DNAH10: variants seen among roughly 807,000 people sequenced by gnomAD.
The protein encoded by DNAH10 is dynein axonemal heavy chain 10, also known as axonemal beta dynein heavy chain 10.
A neutral mutation model predicts 506.6 loss-of-function variants in DNAH10; 348 were observed. The ratio of observed to expected loss-of-function variants is 0.69; its 90% CI spans 0.63 to 0.75. DNAH10 has a LOEUF of 0.75. Ranked by LOEUF, DNAH10 falls within the 30% of genes least tolerant of loss-of-function variation. The pLI, the probability that DNAH10 is intolerant of heterozygous loss-of-function variation, is 0.00. For missense variants in DNAH10, 5,179 were observed against 5,787.1 expected, an observed-to-expected ratio of 0.89 and a Z score of 3.41; for synonymous variants, 2,059 against 2,198.6, an observed-to-expected ratio of 0.94 and a Z score of 1.78.
intron 77 of DNAH10, chr12:123,934,387 A>G (rs1955376831): frequency 1.5e-6 from 1 of 662,042 alleles, no homozygotes. Context: ...ACCGCCCCAC[A>G]CCCATTTCTC....
intron 47 of DNAH10, 99 bp downstream of exon 47, chr12:123,875,590 G>A: frequency 1.4e-6 from 2 of 1,441,124 alleles, no homozygotes; most frequent in Non-Finnish European, 1.9e-6. Context: ...CAGGGTTAGG[G>A]CCCTCAATAC....
intron 13 of DNAH10, among the ~76,000 whole-genome samples, chr12:123,798,431 G>C (rs970984620): frequency 5.3e-5 from 8 of 152,164 alleles, no homozygotes; most frequent in Non-Finnish European, 7.3e-5. Context: ...TTTCACTTGA[G>C]CAGATCTCCC....
At chr12:123,870,546 G>A in intron 44 of DNAH10, 61 bp downstream of exon 44, 1 of 1,565,104 alleles carries the variant, frequency 6.4e-7, no homozygotes, top group Non-Finnish European at 8.6e-7. Context: ...GCTCTAGGAG[G>A]AGGCAAAGAA....
intron 40 of DNAH10, 71 bp downstream of exon 40, chr12:123,864,801 G>A (rs1951741334): frequency 2.6e-6 from 4 of 1,509,650 alleles, no homozygotes; most frequent in African/African-American, 1.4e-5. Context: ...GTTTGTTAAA[G>A]TAGTAGTAAA....
At chr12:123,893,551 T>C (rs1953083921) in intron 53 of DNAH10, 115 bp downstream of exon 53, 1 of 1,187,042 alleles carries the variant, frequency 8.4e-7, no homozygotes, top group Non-Finnish European at 1.2e-6. Context: ...ACACGGCCAT[T>C]AGGTGGAAAT....
chr12:123,888,472 T>G (rs1952835997), intron 52 of DNAH10, among the ~76,000 whole-genome samples: 1 of 152,162 alleles, frequency 6.6e-6, no homozygotes. Context: ...ACAGCTGTCC[T>G]TATAAGAGAA....
chr12:123,923,944 C>A, intron 66 of DNAH10, 77 bp downstream of exon 66: 1 of 1,092,806 alleles, frequency 9.2e-7, no homozygotes, highest in Non-Finnish European at 1.3e-6. Context: ...TCTGTTGAAA[C>A]AAACAATAAC....
rs760548849 is a variant in DNAH10 at position 123,819,133 on chromosome 12, C to A, written c.3898-15C>A. ...ACGTATTTGGGCTAAATTAATGTAACCTCGTTTTTCTCAGCTTACTCGAGG... is the reference window on the plus strand; with the variant it reads ...ACGTATTTGGGCTAAATTAATGTAAACTCGTTTTTCTCAGCTTACTCGAGG... On this transcript the variant is annotated splice_polypyrimidine_tract_variant and intron_variant, in intron 22 of 78. Transcript: ENST00000673944. The A allele has an allele frequency of 3.1e-6, 5 of 1,610,516 alleles. No homozygotes were observed. Among genetic ancestry groups the A allele is most frequent in the South Asian group, 2.2e-5 (2 of 90,316 alleles).
intron 11 of DNAH10, among the ~76,000 whole-genome samples, chr12:123,790,928 C>G (rs538698046): frequency 1.3e-5 from 2 of 152,188 alleles, no homozygotes; most frequent in African/African-American, 4.8e-5. Context: ...AGTTTGAGAC[C>G]AGCCTGGGCA....
At chr12:123,779,601 G>C (rs1957567144) in intron 5 of DNAH10, among the ~76,000 whole-genome samples, 1 of 75,706 alleles carries the variant, frequency 1.3e-5, no homozygotes, top group Non-Finnish European at 2.4e-5. Flanking sequence ...ACCTGGGGGT[G>C]GGGGAGAGAG....
chr12:123,850,358 T>A lies in DNAH10; in HGVS notation c.6103-530T>A, dbSNP rs116587583. Among the ~76,000 whole-genome samples the A allele has an allele frequency of 5.1e-3, 771 of 151,756 alleles. 8 individuals are homozygous for A. Among genetic ancestry groups the A allele is most frequent in the African/African-American group, 0.018 (737 of 41,348 alleles). The stretch of plus-strand genomic sequence containing the variant: ...GAATGAAGACTGGTTTCTTGAGGGG[T>A]TTGAGGTGGGATTCTTTAGGCAGGA... On this transcript the variant is annotated intron_variant, in intron 34 of 78. Coordinates refer to ENST00000673944, the MANE Select transcript of DNAH10 (RefSeq NM_001372106.1). This position sits in a 1 kb window ranked among gnomAD's most constrained non-coding sequence, Gnocchi z 5.5.
chr12:123,900,079 C>G lies in DNAH10; in HGVS notation c.9640+1265C>G, dbSNP rs201677652. Among the ~76,000 whole-genome samples, 19 of 152,294 alleles carry G rather than the reference C, an allele frequency of 1.2e-4. No homozygotes were observed. The East Asian group carries it at 3.5e-3, about 28-fold the overall frequency. ...TCACTTCTTCATGCCTGTGTGAGTC[C>G]TGCAGTAACTTGCTCTTTCTCTCCC... On this transcript the variant is annotated intron_variant, in intron 56 of 78. Transcript: ENST00000673944.
intron 53 of DNAH10, among the ~76,000 whole-genome samples, chr12:123,893,773 C>T (rs1022138137): frequency 6.7e-6 from 1 of 148,762 alleles, no homozygotes; most frequent in African/African-American, 2.4e-5. Flanking sequence ...GGGGCAGGGG[C>T]GGGGGAGGTT....
chr12:123,806,519 C>CTGCAGTTAAA (rs1958679242), intron 18 of DNAH10, among the ~76,000 whole-genome samples: 1 of 152,196 alleles, frequency 6.6e-6, no homozygotes, highest in Non-Finnish European at 1.5e-5. Flanking sequence ...GGATCTCTTA[C>CTGCAGTTAAA]TGCAGTTAAA....
intron 28 of DNAH10, among the ~76,000 whole-genome samples, chr12:123,837,923 T>A (rs1474066509): frequency 6.6e-6 from 1 of 152,160 alleles, no homozygotes; most frequent in African/African-American, 2.4e-5. Flanking sequence ...CACTGGCTAT[T>A]TTTATTGAAC....
Position 123,931,750 on chromosome 12 carries a change from C to A in DNAH10, c.13031C>A (p.Thr4344Lys). The A allele has an allele frequency of 6.2e-7, 1 of 1,614,042 alleles. No homozygotes were observed. Among genetic ancestry groups the A allele is most frequent in the Non-Finnish European group, 8.5e-7 (1 of 1,179,898 alleles). Residue 4344 changes from threonine to lysine, a missense_variant, in exon 75 of 79, where the codon ACA (threonine) becomes AAA (lysine). By Grantham distance (78) the Thr-to-Lys change is moderately conservative. This residue lies in a region of DNAH10 where 4,844 missense variants were observed against 5,430.5 expected (regional missense o/e 0.89). Coordinates refer to ENST00000673944, the MANE Select transcript of DNAH10 (RefSeq NM_001372106.1). ...GACCAGGTGAGGAAGCGCCTCGGAACAGGACTCTCCCCCACTTCGGTGGTG... is the reference window on the plus strand; with the variant it reads ...GACCAGGTGAGGAAGCGCCTCGGAAAAGGACTCTCCCCCACTTCGGTGGTG... The part of the protein sequence containing the change: ...DLDQVRKRLG[T>K]GLSPTSVVLL...
At chr12:123,816,241 C>G (rs1423765554) in intron 21 of DNAH10, among the ~76,000 whole-genome samples, 1 of 152,118 alleles carries the variant, frequency 6.6e-6, no homozygotes, top group Non-Finnish European at 1.5e-5. Context: ...GGCTGGGAGC[C>G]CTAGGCAGCT....
Position 123,774,259 on chromosome 12 carries a change from T to C in DNAH10, c.616T>C (p.Cys206Arg). ...NVLHFLKNII[C>R]QVFLPALSFN... is the part of the protein sequence containing the mutation. The stretch of plus-strand genomic sequence containing the variant: ...GCTCCATTTTCTGAAGAATATTATA[T>C]GTCAGGTAAACATGGAGAAAGGAAG... Residue 206 changes from cysteine (C) to arginine (R), a missense_variant, in exon 5 of 79, where the codon TGT (cysteine) becomes CGT (arginine). Coordinates refer to ENST00000673944, the MANE Select transcript of DNAH10 (RefSeq NM_001372106.1). 2 of 1,586,508 alleles carry C rather than the reference T, an allele frequency of 1.3e-6. No individual in the cohort carries two copies. Among genetic ancestry groups the C allele is most frequent in the East Asian group, 2.2e-5 (1 of 44,672 alleles).
At chr12:123,777,722 TG>T (rs933431584) in intron 5 of DNAH10, among the ~76,000 whole-genome samples, 1 of 152,220 alleles carries the variant, frequency 6.6e-6, no homozygotes, top group African/African-American at 2.4e-5. Flanking sequence ...CATGGCTCAC[TG>T]CAGCCTTAAC....
Sources: allele counts gnomAD v4.1 joint callset (sites outside exome capture counted in the v4.1 genomes callset), GRCh38; gene constraint gnomAD v4.1.1; regional missense constraint gnomAD v4.1.1; non-coding constraint Gnocchi (gnomAD v3.1); transcripts MANE v1.5; gene names NCBI Gene and HGNC (gene_info 2026-07-23, HGNC 2026-07-21).